The following RCSD1 variants were observed in gnomAD, a reference collection of about 807,000 sequenced individuals.
RCSD1 encodes capZ-interacting protein.
A neutral mutation model predicts 42.5 loss-of-function variants in RCSD1; 26 were observed. The observed-to-expected ratio is 0.61, with a 90% CI of 0.45 to 0.85. The LOEUF is 0.85. Among genes scored for constraint, RCSD1 ranks in the 40% least tolerant of loss-of-function variants. RCSD1 has a pLI of 0.00. For synonymous variants in RCSD1, 220 were observed against 212.2 expected (o/e 1.04, Z -0.32); for missense variants, 571 against 528.3 (o/e 1.08, Z -0.79).
At chr1:167,679,108 T>C (rs1267087239) in intron 1 of RCSD1, among the ~76,000 whole-genome samples, 1 of 152,256 alleles carries the variant, frequency 6.6e-6, no homozygotes. Context: ...AAATGCCTAT[T>C]AACAAGAGAC....
At chr1:167,669,759 C>G (rs1472713423) in intron 1 of RCSD1, among the ~76,000 whole-genome samples, 3 of 152,212 alleles carry the variant, frequency 2.0e-5, no homozygotes, top group East Asian at 1.9e-4. Context: ...CCAGTACCCC[C>G]TCTTGAGGCT....
At chr1:167,634,787 A>G (rs1449779964) in intron 1 of RCSD1, among the ~76,000 whole-genome samples, 1 of 152,188 alleles carries the variant, frequency 6.6e-6, no homozygotes, top group Non-Finnish European at 1.5e-5. Context: ...GGTAACTGCA[A>G]ATCATTCCCA....
chr1:167,636,042 A>T (rs544236967), intron 1 of RCSD1, among the ~76,000 whole-genome samples: 1 of 152,292 alleles, frequency 6.6e-6, no homozygotes, highest in African/African-American at 2.4e-5. Context: ...CCAGACCCGA[A>T]TGAACACTGT....
intron 1 of RCSD1, among the ~76,000 whole-genome samples, chr1:167,669,044 C>A (rs997404642): frequency 1.3e-5 from 2 of 152,236 alleles, no homozygotes; most frequent in Non-Finnish European, 2.9e-5. Flanking sequence ...GAATTAGACA[C>A]TTCCCCTATG....
intron 5 of RCSD1, among the ~76,000 whole-genome samples, chr1:167,695,248 C>G (rs1442728772): frequency 6.6e-6 from 1 of 152,258 alleles, no homozygotes; most frequent in African/African-American, 2.4e-5. Flanking sequence ...GCCGCATCTT[C>G]TCACAGGGTG....
intron 3 of RCSD1, among the ~76,000 whole-genome samples, chr1:167,687,901 C>A (rs562651626): frequency 4.6e-5 from 7 of 152,348 alleles, no homozygotes; most frequent in Admixed American, 3.9e-4. Context: ...AGCCACAGAT[C>A]CTGCCTCCTA....
chr1:167,675,674 G>A (rs7551114), intron 1 of RCSD1, among the ~76,000 whole-genome samples: 3,121 of 152,158 alleles, frequency 0.021, 41 homozygotes, highest in African/African-American at 0.029. Context: ...GCCATAAAAC[G>A]AAACTCAGCT....
Position 167,705,420 on chromosome 1 carries a change from T to G in RCSD1, c.*724T>G, listed in dbSNP as rs1659734861. The G allele has an allele frequency of 6.6e-6, 1 of 152,094 alleles. No individual in the cohort carries two copies. Among genetic ancestry groups the G allele is most frequent in the African/African-American group, 2.4e-5 (1 of 41,420 alleles). The allele number at this position is 152,094 out of a possible 1,614,324, so 9.4% of individuals were successfully genotyped here. A position where few individuals can be genotyped will look rare whatever the true frequency, so the allele number is the denominator to read the frequency against. On this transcript the variant is annotated 3_prime_UTR_variant, in exon 7 of 7. Coordinates refer to ENST00000367854, the MANE Select transcript of RCSD1 (RefSeq NM_052862.4). ...CACCATGGGAGGTCGCTGGCTCGGC[T>G]CACTCCCTTCTCCCACCCTTGAGAA...
chr1:167,662,801 G>C (rs563651026), intron 1 of RCSD1, among the ~76,000 whole-genome samples: 1 of 152,160 alleles, frequency 6.6e-6, no homozygotes, highest in African/African-American at 2.4e-5. Flanking sequence ...TGTAGCAAGC[G>C]CTGGGTTTGC....
intron 3 of RCSD1, among the ~76,000 whole-genome samples, chr1:167,686,309 C>T (rs939417118): frequency 6.6e-6 from 1 of 152,192 alleles, no homozygotes; most frequent in African/African-American, 2.4e-5. Flanking sequence ...TCCACTTCAA[C>T]AACCTCTTTA....
At chr1:167,674,883 A>G (rs1020411290) in intron 1 of RCSD1, among the ~76,000 whole-genome samples, 6 of 152,148 alleles carry the variant, frequency 3.9e-5, no homozygotes, top group Admixed American at 3.9e-4. Flanking sequence ...GTGAATGGAC[A>G]TTGTATTAGT....
intron 1 of RCSD1, among the ~76,000 whole-genome samples, chr1:167,670,443 C>T (rs933192743): frequency 1.3e-5 from 2 of 151,676 alleles, no homozygotes; most frequent in Non-Finnish European, 2.9e-5. Context: ...CCCCTGCATG[C>T]CTGCTGGTGG....
At chr1:167,630,721 T>TCAAA (rs1657674674) in intron 1 of RCSD1, 1 of 32,588 alleles carries the variant, frequency 3.1e-5, no homozygotes, top group Non-Finnish European at 6.1e-5. Flanking sequence ...ACTTAAATGC[T>TCAAA]AAAAAAAAAA....
In RCSD1 at chr1:167,685,473, T is replaced by TC. The variant is rs761840115; in HGVS notation, c.168dup (p.Lys57GlnfsTer9). ...AAACCGCCCTGTTCCCTCCCCCTGT[T>TC]CCCCCCCAAGGTAGACCTGGGCCAG... On this transcript the variant is annotated frameshift_variant, in exon 3 of 7. Transcript: ENST00000367854. LOFTEE classifies it high-confidence loss of function. The TC allele has an allele frequency of 3.1e-6, 5 of 1,613,266 alleles. No homozygotes were observed. Among genetic ancestry groups the TC allele is most frequent in the Middle Eastern group, 1.6e-4 (1 of 6,062 alleles).
At chr1:167,701,252 GTTTCTTTCTTTCTTTCTTTC>G (rs11446259) in intron 6 of RCSD1, among the ~76,000 whole-genome samples, 1,281 of 96,138 alleles carry the variant, frequency 0.013, 21 homozygotes, top group African/African-American at 0.042. Flanking sequence ...CAATTGCCTA[GTTTCTTTCTTTCTTTCTTTC>G]TTTCTTTCTT....
chr1:167,702,476 A>C (rs1246602546), intron 6 of RCSD1, among the ~76,000 whole-genome samples: 1 of 152,200 alleles, frequency 6.6e-6, no homozygotes, highest in East Asian at 1.9e-4. Flanking sequence ...TCTAATACTT[A>C]AAATAAATTT....
At chr1:167,690,652 T>C (rs1232700691) in intron 4 of RCSD1, among the ~76,000 whole-genome samples, 3 of 151,790 alleles carry the variant, frequency 2.0e-5, no homozygotes, top group Non-Finnish European at 4.4e-5. Context: ...CCAGCCTGAG[T>C]AACAGAGCAA....
intron 1 of RCSD1, among the ~76,000 whole-genome samples, chr1:167,672,670 C>A (rs1414251616): frequency 1.3e-5 from 2 of 152,172 alleles, no homozygotes; most frequent in Non-Finnish European, 2.9e-5. Context: ...ACTGAATAAT[C>A]CAGTCAGCTG....
intron 1 of RCSD1, among the ~76,000 whole-genome samples, chr1:167,642,989 T>C (rs1468882497): frequency 6.6e-6 from 1 of 152,204 alleles, no homozygotes; most frequent in Non-Finnish European, 1.5e-5. Flanking sequence ...GGGGATGCCA[T>C]GCAGAGAAAG....
Sources: allele counts gnomAD v4.1 joint callset (sites outside exome capture counted in the v4.1 genomes callset), GRCh38; gene constraint gnomAD v4.1.1; transcripts MANE v1.5; gene names NCBI Gene and HGNC (gene_info 2026-07-23, HGNC 2026-07-21).